The following ZNF214 variants were observed in gnomAD, a reference collection of about 807,000 sequenced individuals.
The protein encoded by ZNF214 is BWSCR2-associated zinc finger protein 1.
In ZNF214, 43 loss-of-function variants were observed where a neutral mutation model predicts 53.9. The observed-to-expected ratio is 0.80, with a 90% CI of 0.63 to 1.03. The LOEUF (loss-of-function observed/expected upper bound fraction) is 1.03, where lower values mean the gene tolerates loss of function less well. ZNF214 is among the 50% of genes least tolerant of loss of function. ZNF214 has a pLI of 0.00. For missense variants in ZNF214, 724 were observed against 719.1 expected, an observed-to-expected ratio of 1.01 and a Z score of -0.08; for synonymous variants, 217 against 229.5, an observed-to-expected ratio of 0.95 and a Z score of 0.49.
intron 2 of ZNF214, among the ~76,000 whole-genome samples, chr11:7,002,505 A>G (rs1851378001): frequency 1.3e-5 from 2 of 152,018 alleles, no homozygotes; most frequent in Admixed American, 6.6e-5. Flanking sequence ...ACTAAAACTA[A>G]TAATCACAAG....
intron 1 of ZNF214, among the ~76,000 whole-genome samples, chr11:7,003,468 T>C (rs976647048): frequency 6.6e-6 from 1 of 151,998 alleles, no homozygotes; most frequent in African/African-American, 2.4e-5. Flanking sequence ...ATTGTATGAA[T>C]AGGGCTATGT....
chr11:7,016,739 T>G (rs751583208), intron 1 of ZNF214, among the ~76,000 whole-genome samples: 6 of 152,118 alleles, frequency 3.9e-5, no homozygotes, highest in Admixed American at 6.5e-5. Flanking sequence ...TTAAATAACC[T>G]AAGTAGGAAG....
chr11:7,017,496 G>A (rs1851797374), intron 1 of ZNF214, among the ~76,000 whole-genome samples: 1 of 151,964 alleles, frequency 6.6e-6, no homozygotes, highest in African/African-American at 2.4e-5. Context: ...AAACTTAATG[G>A]GAGTCCAAGG....
intron 1 of ZNF214, among the ~76,000 whole-genome samples, chr11:7,015,259 A>G (rs1691071096): frequency 6.6e-6 from 1 of 152,160 alleles, no homozygotes; most frequent in African/African-American, 2.4e-5. Flanking sequence ...CTATATAAAG[A>G]TAGTTTTAGA....
chr11:7,005,668 G>A (rs906726890), intron 1 of ZNF214, among the ~76,000 whole-genome samples: 1 of 151,988 alleles, frequency 6.6e-6, no homozygotes. Flanking sequence ...CTGAACAATG[G>A]CTTCAGGTGC....
rs1280725156 is a variant in ZNF214, at chr11:7,014,804, C to CAAAAAAAAAAAAAAAAA, written c.-21+5268_-21+5269insTTTTTTTTTTTTTTTTT. Among the ~76,000 whole-genome samples the CAAAAAAAAAAAAAAAAA allele has an allele frequency of 3.1e-5, 2 of 64,234 alleles. 1 individual carries two copies. The allele number at this position is 64,234 out of a possible 152,430, so 42.1% of individuals were successfully genotyped here. A position where few individuals can be genotyped will look rare whatever the true frequency, so the allele number is the denominator to read the frequency against. The stretch of plus-strand genomic sequence containing the variant: ...CAACATGGCGAAACCCTGTCTCTAA[C>CAAAAAAAAAAAAAAAAA]AAAAAAAAAAAAAAACAAAAAAAAA... On this transcript the variant is annotated intron_variant, in intron 1 of 2. Coordinates refer to ENST00000278314, the MANE Select transcript of ZNF214 (RefSeq NM_013249.4).
chr11:7,002,398 C>G (rs1851375662), intron 2 of ZNF214, among the ~76,000 whole-genome samples: 1 of 151,904 alleles, frequency 6.6e-6, no homozygotes, highest in African/African-American at 2.4e-5. Context: ...ACAACAAAAG[C>G]TAACTTATAC....
At chr11:7,007,062 C>T (rs1360424912) in intron 1 of ZNF214, among the ~76,000 whole-genome samples, 1 of 151,762 alleles carries the variant, frequency 6.6e-6, no homozygotes, top group Non-Finnish European at 1.5e-5. Flanking sequence ...CATATCTGAA[C>T]TACAATTCTT....
intron 1 of ZNF214, among the ~76,000 whole-genome samples, chr11:7,014,800 C>G (rs543536865): frequency 2.0e-5 from 2 of 97,578 alleles, no homozygotes. Flanking sequence ...AACCCTGTCT[C>G]TAACAAAAAA....
In ZNF214 at chr11:7,005,320, A is replaced by C. The variant is rs559981131; in HGVS notation, c.-20-2465T>G. ...GTGGAGCAATAAAAGCAAGACATCTATATTCAAAATTAGTAAGTACAATAA... is the reference window on the plus strand; with the variant it reads ...GTGGAGCAATAAAAGCAAGACATCTCTATTCAAAATTAGTAAGTACAATAA... On this transcript the variant is annotated intron_variant, in intron 1 of 2. Coordinates refer to ENST00000278314, the MANE Select transcript of ZNF214 (RefSeq NM_013249.4). Among the ~76,000 whole-genome samples, 5 of 152,174 alleles carry C rather than the reference A, an allele frequency of 3.3e-5. No individual in the cohort carries two copies. The South Asian group carries it at 8.3e-4, about 25-fold the overall frequency.
intron 1 of ZNF214, among the ~76,000 whole-genome samples, chr11:7,006,307 A>G (rs1253535155): frequency 2.0e-5 from 3 of 152,010 alleles, no homozygotes; most frequent in Admixed American, 6.6e-5. Flanking sequence ...TTTTTGGTAT[A>G]TAAGTAACCC....
At chr11:7,006,146 T>C (rs1391448332) in intron 1 of ZNF214, among the ~76,000 whole-genome samples, 1 of 152,108 alleles carries the variant, frequency 6.6e-6, no homozygotes, top group Non-Finnish European at 1.5e-5. Context: ...TCCCTTCAGG[T>C]TGGCTCCTGG....
rs1851325654 is a variant in ZNF214, at chr11:7,000,898, A to G, written c.785T>C (p.Leu262Ser). ...CKACFSQRSD[L>S]YRHPRNHIGK... ...TATGTGGTTTCTTGGATGTCTATAC[A>G]AGTCTGATCTCTGAGAGAAGCATGC... Residue 262 changes from leucine to serine, a missense_variant, in exon 3 of 3, where the codon TTG (leucine) becomes TCG (serine). Leu to Ser is a moderately radical substitution (Grantham distance 145). Transcript: ENST00000278314. 6.2e-7 allele frequency: 1 copy of G among 1,613,252 alleles called. No homozygotes were observed. Among genetic ancestry groups the G allele is most frequent in the South Asian group, 1.1e-5 (1 of 91,066 alleles).
intron 1 of ZNF214, among the ~76,000 whole-genome samples, chr11:7,014,681 T>C (rs539640937): frequency 6.6e-6 from 1 of 151,962 alleles, no homozygotes; most frequent in South Asian, 2.1e-4. Flanking sequence ...TATATGCTGA[T>C]TTAGGCTGGG....
chr11:7,008,790 A>G (rs1356990492), intron 1 of ZNF214, among the ~76,000 whole-genome samples: 1 of 152,150 alleles, frequency 6.6e-6, no homozygotes, highest in East Asian at 1.9e-4. Flanking sequence ...ATATACCAAC[A>G]ACATCCAAGC....
In ZNF214 at chr11:7,000,893, T is replaced by G. The variant is rs770941618; in HGVS notation, c.790A>C (p.Arg264=). ...ACFSQRSDLY[R]HPRNHIGKKL... ...TTACCTATGTGGTTTCTTGGATGTC[T>G]ATACAAGTCTGATCTCTGAGAGAAG... The change falls in exon 3 of 3, where the codon AGA becomes CGA. Residue 264 remains arginine, a synonymous_variant. Coordinates refer to ENST00000278314, the MANE Select transcript of ZNF214 (RefSeq NM_013249.4). 5 of 1,613,230 alleles carry G rather than the reference T, an allele frequency of 3.1e-6. No individual in the cohort carries two copies. The highest frequency in any genetic ancestry group is 1.7e-6 in the Non-Finnish European group (2 of 1,179,570).
Position 7,000,602 on chromosome 11 carries a change from T to G in ZNF214, c.1081A>C (p.Asn361His), listed in dbSNP as rs771529113. 1 of 1,609,482 alleles carries G rather than the reference T, an allele frequency of 6.2e-7. No individual in the cohort carries two copies. The highest frequency in any genetic ancestry group is 8.5e-7 in the Non-Finnish European group (1 of 1,178,256). Residue 361 changes from asparagine to histidine, a missense_variant, in exon 3 of 3, where the codon AAT becomes CAT. Physicochemically the swap from Asn to His is moderately conservative, Grantham distance 68 (BLOSUM62 1). Coordinates refer to ENST00000278314, the MANE Select transcript of ZNF214 (RefSeq NM_013249.4). Reference protein sequence around the residue: ...LHIGEKPFKCNQCGKSFNRSS... With the variant: ...LHIGEKPFKCHQCGKSFNRSS... ...CGATTAAAACTCTTACCACACTGAT[T>G]ACATTTAAAAGGCTTCTCTCCTATG...
Position 6,999,832 on chromosome 11 carries a change from G to T in ZNF214, c.*30C>A. On this transcript the variant is annotated 3_prime_UTR_variant, in exon 3 of 3. Transcript: ENST00000278314. ...AGGGTTTAAAGGTTAGGTAAACTTT[G>T]ATTAAAGCTGTTAACTAAATGAACA... The T allele has an allele frequency of 1.3e-6, 2 of 1,563,728 alleles. No homozygotes were observed. The highest frequency in any genetic ancestry group is 2.4e-5 in the South Asian group (2 of 82,354).
In ZNF214 at chr11:7,000,004, C is replaced by A. The variant is rs758264513; in HGVS notation, c.1679G>T (p.Gly560Val). Residue 560 changes from glycine (G) to valine (V), a missense_variant, in exon 3 of 3, where the codon GGT (glycine) becomes GTT (valine). Transcript: ENST00000278314. ...AGCTGAGCTATGACTGAAACCTTTA[C>A]CACACTTAGCACATTGATAAGGCTT... is the stretch of plus-strand genomic sequence containing the variant. ...GEKPYQCAKCGKGFSHSSALR... is the reference protein window; with the variant it reads ...GEKPYQCAKCVKGFSHSSALR... 1 of 1,613,274 alleles carries A rather than the reference C, an allele frequency of 6.2e-7. No individual in the cohort carries two copies. The highest frequency in any genetic ancestry group is 1.1e-5 in the South Asian group (1 of 91,054).
Sources: allele counts gnomAD v4.1 joint callset (sites outside exome capture counted in the v4.1 genomes callset), GRCh38; gene constraint gnomAD v4.1.1; transcripts MANE v1.5; gene names NCBI Gene and HGNC (gene_info 2026-07-23, HGNC 2026-07-21).